Variants in GLIS3 observed in about 807,000 individuals in gnomAD.
GLIS3 encodes the protein GLIS family zinc finger 3.
In GLIS3, 53 loss-of-function variants were observed where a neutral mutation model predicts 78.6. The ratio of observed to expected loss-of-function variants is 0.67; its 90% confidence interval spans 0.54 to 0.85. The LOEUF (loss-of-function observed/expected upper bound fraction) is 0.85, where lower values mean the gene tolerates loss of function less well. GLIS3 is among the 40% of genes least tolerant of loss of function. GLIS3 has a pLI of 0.00. For missense variants in GLIS3, 1,703 were observed against 1,231.1 expected, an observed-to-expected ratio of 1.38 and a Z score of -5.74; for synonymous variants, 684 against 509.9, an observed-to-expected ratio of 1.34 and a Z score of -4.60.
chr9:4,012,614 A>G (rs1461603173), intron 4 of GLIS3, among the ~76,000 whole-genome samples: 1 of 152,092 alleles, frequency 6.6e-6, no homozygotes, highest in Non-Finnish European at 1.5e-5. Context: ...ACATTCTTCC[A>G]TACATTTTTG....
chr9:4,475,149 G>A, the GLIS3 span, among the ~76,000 whole-genome samples: 4 of 151,716 alleles, frequency 2.6e-5, no homozygotes, highest in East Asian at 1.9e-4. Context: ...GTGAGCCACC[G>A]CACCTGGCCA....
intron 4 of GLIS3, among the ~76,000 whole-genome samples, chr9:3,986,450 A>G (rs1348243018): frequency 6.6e-6 from 1 of 152,140 alleles, no homozygotes; most frequent in Non-Finnish European, 1.5e-5. Context: ...ATTTATGAAA[A>G]CTGTGTACAA....
chr9:4,033,864 T>TAA (rs34745570), intron 4 of GLIS3, among the ~76,000 whole-genome samples: 28,322 of 67,970 alleles, frequency 0.42, 9,014 homozygotes, highest in Non-Finnish European at 0.48. Flanking sequence ...AGGCGAAGGA[T>TAA]AAAAAAAAAA....
intron 2 of GLIS3, among the ~76,000 whole-genome samples, chr9:4,236,943 C>T (rs1023851739): frequency 6.6e-6 from 1 of 152,086 alleles, no homozygotes; most frequent in Non-Finnish European, 1.5e-5. Flanking sequence ...ATGGGCTCAG[C>T]ATCGTCTCAG....
At chr9:4,244,584 T>C (rs1823623841) in intron 2 of GLIS3, among the ~76,000 whole-genome samples, 1 of 151,944 alleles carries the variant, frequency 6.6e-6, no homozygotes, top group African/African-American at 2.4e-5. Flanking sequence ...ATTTTTTTTC[T>C]TTTTTTTGAG....
the GLIS3 span, among the ~76,000 whole-genome samples, chr9:4,437,513 T>A: frequency 6.6e-6 from 1 of 152,046 alleles, no homozygotes; most frequent in African/African-American, 2.4e-5. Flanking sequence ...TTAGGCACCA[T>A]AATGACATCC....
intron 2 of GLIS3, among the ~76,000 whole-genome samples, chr9:4,215,712 A>C (rs1820764798): frequency 6.6e-6 from 1 of 152,160 alleles, no homozygotes; most frequent in Non-Finnish European, 1.5e-5. Context: ...AGATTCTGAA[A>C]ACACGTCCAT....
chr9:4,187,090 T>G (rs1412098619), intron 2 of GLIS3, among the ~76,000 whole-genome samples: 1 of 152,206 alleles, frequency 6.6e-6, no homozygotes. Context: ...TCCTGAATGG[T>G]AATGCCTAGG....
At chr9:3,859,115 T>A (rs1206988326) in intron 8 of GLIS3, among the ~76,000 whole-genome samples, 1 of 152,096 alleles carries the variant, frequency 6.6e-6, no homozygotes, top group Non-Finnish European at 1.5e-5. Context: ...CAAAACACAG[T>A]AATGGACAAC....
At chr9:4,412,165 C>A in the GLIS3 span, among the ~76,000 whole-genome samples, 3 of 152,178 alleles carry the variant, frequency 2.0e-5, no homozygotes, top group Non-Finnish European at 4.4e-5. Flanking sequence ...TGGCACTCTT[C>A]CAAGAAGGCA....
intron 2 of GLIS3, among the ~76,000 whole-genome samples, chr9:4,338,293 C>A (rs1483262422): frequency 6.6e-6 from 1 of 151,872 alleles, no homozygotes; most frequent in African/African-American, 2.4e-5. Context: ...TGTAGACCTA[C>A]TGAATGAGAC....
intron 2 of GLIS3, among the ~76,000 whole-genome samples, chr9:4,203,544 A>G (rs1819591057): frequency 6.6e-6 from 1 of 152,256 alleles, no homozygotes; most frequent in South Asian, 2.1e-4. Flanking sequence ...TTTAAAAAGA[A>G]AAGGAAAAAA....
intron 6 of GLIS3, among the ~76,000 whole-genome samples, chr9:3,910,537 G>T (rs1824064525): frequency 6.6e-6 from 1 of 152,246 alleles, no homozygotes; most frequent in Non-Finnish European, 1.5e-5. Flanking sequence ...TTTTTTCAGA[G>T]ACAGGGTCTC....
rs1287207178 is a variant in GLIS3 at position 4,286,072 on chromosome 9, C to A, written c.354G>T (p.Glu118Asp). 1 of 1,613,658 alleles carries A rather than the reference C, an allele frequency of 6.2e-7. No homozygotes were observed. Among genetic ancestry groups the A allele is most frequent in the African/African-American group, 1.3e-5 (1 of 74,978 alleles). Residue 118 changes from glutamate to aspartate, a missense_variant, in exon 2 of 11, where the codon GAG becomes GAT. By Grantham distance (45) the Glu-to-Asp change is conservative. Transcript: ENST00000381971. Reference sequence around the variant, plus strand: ...GATTTGGAGGAAAAGGGCTTCCAAACTCCTGCTGCTTTGGCTTTAAAGTAT... The same window carrying A: ...GATTTGGAGGAAAAGGGCTTCCAAAATCCTGCTGCTTTGGCTTTAAAGTAT... ...GSHTLKPKQQ[E>D]FGSPFPPNPG...
chr9:4,195,230 C>T (rs937234648), intron 2 of GLIS3, among the ~76,000 whole-genome samples: 1 of 147,324 alleles, frequency 6.8e-6, no homozygotes, highest in African/African-American at 2.6e-5. Flanking sequence ...CACCACTGCA[C>T]TGTGGGAGCC....
Position 4,082,048 on chromosome 9 carries a change from C to A in GLIS3, c.1710+35720G>T, listed in dbSNP as rs530061502. ...ACAGAGGACAGAATCGGAATGGGAG[C>A]CCCAGACACATAACTTGAGTTTTCC... On this transcript the variant is annotated intron_variant, in intron 4 of 10. Coordinates refer to ENST00000381971, the MANE Select transcript of GLIS3 (RefSeq NM_001042413.2). 7.2e-5 allele frequency among the ~76,000 whole-genome samples: 11 copies of A among 152,274 alleles called. No individual in the cohort carries two copies. In the South Asian group the frequency reaches 2.3e-3, roughly 32 times the overall value.
the GLIS3 span, among the ~76,000 whole-genome samples, chr9:4,425,028 C>T: frequency 6.6e-6 from 1 of 152,116 alleles, no homozygotes; most frequent in African/African-American, 2.4e-5. Context: ...TTCTTCCTTC[C>T]TCTGTGCTGG....
intron 4 of GLIS3, among the ~76,000 whole-genome samples, chr9:3,952,895 T>C (rs912882501): frequency 6.6e-6 from 1 of 152,176 alleles, no homozygotes; most frequent in Non-Finnish European, 1.5e-5. Flanking sequence ...ACACTTCGTT[T>C]AGCAAGGTCC....
At chr9:4,415,707 C>T in the GLIS3 span, among the ~76,000 whole-genome samples, 1 of 152,096 alleles carries the variant, frequency 6.6e-6, no homozygotes, top group South Asian at 2.1e-4. Context: ...TTTTGAAATT[C>T]TTGATCAAAG....
Sources: allele counts gnomAD v4.1 joint callset (sites outside exome capture counted in the v4.1 genomes callset), GRCh38; gene constraint gnomAD v4.1.1; transcripts MANE v1.5; gene names NCBI Gene and HGNC (gene_info 2026-07-23, HGNC 2026-07-21).